The following SLC45A4 variants were observed in gnomAD, a reference collection of about 807,000 sequenced individuals.
SLC45A4 encodes the protein polyamine-transporter SLC45A4.
A neutral mutation model predicts 63.7 loss-of-function variants in SLC45A4; 32 were observed. The ratio of observed to expected loss-of-function variants is 0.50; its 90% CI spans 0.38 to 0.67. The LOEUF is 0.67. Among genes scored for constraint, SLC45A4 ranks in the 30% least tolerant of loss-of-function variants. SLC45A4 has a pLI of 0.00. For missense variants in SLC45A4, 1,027 were observed against 1,157.7 expected (o/e 0.89, Z 1.64); for synonymous variants, 535 against 510.0 (o/e 1.05, Z -0.66).
rs1464914963 is a variant in SLC45A4 at position 141,215,950 on chromosome 8, C to G, written c.1750G>C (p.Asp584His). Residue 584 changes from aspartate (D) to histidine (H), a missense_variant, in exon 7 of 9, where the codon GAC becomes CAC. Coordinates refer to ENST00000517878, the MANE Select transcript of SLC45A4 (RefSeq NM_001286646.2). The surrounding 1 kb of genome is among the most constrained non-coding windows in gnomAD (Gnocchi z 4.3). ...ICSALLQKYLDNYDLSVRVIY... is the reference protein window; with the variant it reads ...ICSALLQKYLHNYDLSVRVIY... The stretch of plus-strand genomic sequence containing the variant: ...ACCCTGACGCTCAGGTCGTAGTTGT[C>G]CAAGTACTTCTGTAACAGGGCTGCA... 4 of 1,613,714 alleles carry G rather than the reference C, an allele frequency of 2.5e-6. No homozygotes were observed. The African/African-American group carries it at 5.3e-5, about 22-fold the overall frequency.
At chr8:141,219,117 G>C in intron 4 of SLC45A4, 88 bp from the exon 5 acceptor site, 3 of 1,467,332 alleles carry the variant, frequency 2.0e-6, no homozygotes, top group Non-Finnish European at 2.8e-6. Flanking sequence ...TCTAACAGGG[G>C]GCCGGGGCTG....
At chr8:141,230,279 C>G in intron 2 of SLC45A4, 1 of 365,492 alleles carries the variant, frequency 2.7e-6, no homozygotes, top group South Asian at 2.0e-5. Context: ...AAGGTGCTGT[C>G]AGAGCACCCC....
intron 1 of SLC45A4, among the ~76,000 whole-genome samples, chr8:141,270,357 T>C (rs373648530): frequency 3.3e-4 from 46 of 140,376 alleles, no homozygotes; most frequent in South Asian, 7.2e-4. Flanking sequence ...CGAGACCCCA[T>C]CTCTACATAA....
chr8:141,246,849 G>A (rs565691872), intron 2 of SLC45A4, among the ~76,000 whole-genome samples: 1 of 152,276 alleles, frequency 6.6e-6, no homozygotes, highest in East Asian at 1.9e-4. Flanking sequence ...TTGTGGTGGT[G>A]CACACCTGCA....
intron 1 of SLC45A4, among the ~76,000 whole-genome samples, chr8:141,288,488 G>C (rs1053791412): frequency 6.6e-6 from 1 of 152,240 alleles, no homozygotes; most frequent in Non-Finnish European, 1.5e-5. Context: ...TGGGGACCAC[G>C]CCTGGTTGGA....
Position 141,212,377 on chromosome 8 carries a change from G to C in SLC45A4, c.2121C>G (p.Phe707Leu). ...MVASVGSFLG[F>L]LTATFLVIYP... ...AGATCACCAGGAATGTGGCCGTCAG[G>C]AAGCCCAGGAAAGAGCCCACAGAGG... Residue 707 changes from phenylalanine to leucine, a missense_variant, in exon 8 of 9, where the codon TTC (phenylalanine) becomes TTG (leucine). Coordinates refer to ENST00000517878, the MANE Select transcript of SLC45A4 (RefSeq NM_001286646.2). 6.2e-7 allele frequency: 1 copy of C among 1,613,692 alleles called. No individual in the cohort carries two copies. The highest frequency in any genetic ancestry group is 8.5e-7 in the Non-Finnish European group (1 of 1,180,024).
intron 2 of SLC45A4, among the ~76,000 whole-genome samples, chr8:141,247,561 G>A (rs1030782222): frequency 1.3e-5 from 2 of 152,212 alleles, no homozygotes; most frequent in Non-Finnish European, 2.9e-5. Context: ...TGAAAGAACT[G>A]CAACAGCCAA....
chr8:141,294,721 CAG>C (rs956159875), intron 1 of SLC45A4, among the ~76,000 whole-genome samples: 17 of 152,360 alleles, frequency 1.1e-4, no homozygotes, highest in African/African-American at 4.1e-4. Flanking sequence ...CATGTGAAGA[CAG>C]AGGGCAGCAC....
At chr8:141,258,079 T>G (rs1261572161) in intron 1 of SLC45A4, among the ~76,000 whole-genome samples, 2 of 150,456 alleles carry the variant, frequency 1.3e-5, no homozygotes, top group African/African-American at 4.9e-5. Context: ...TTTTTTTTTT[T>G]TTTAACAATC....
chr8:141,211,586 T>G lies in SLC45A4; in HGVS notation c.2413A>C (p.Met805Leu). The change falls in exon 9 of 9, where the codon ATG (methionine) becomes CTG (leucine). Residue 805 changes from methionine to leucine, a missense_variant. By Grantham distance (15) the Met-to-Leu change is conservative (BLOSUM62 2). Transcript: ENST00000517878. The part of the protein sequence containing the change: ...YFRKKIFFST[M>L]WFS ...ACGTCATTCTTCTAAGAGAACCACA[T>G]TGTGGAAAAGAAAATTTTTTTTCTA... is the stretch of plus-strand genomic sequence containing the variant. 1 of 1,612,926 alleles carries G rather than the reference T, an allele frequency of 6.2e-7. No individual in the cohort carries two copies. Among genetic ancestry groups the G allele is most frequent in the Non-Finnish European group, 8.5e-7 (1 of 1,179,886 alleles).
intron 7 of SLC45A4, among the ~76,000 whole-genome samples, chr8:141,213,873 A>G (rs1012829066): frequency 2.6e-5 from 4 of 152,236 alleles, no homozygotes; most frequent in African/African-American, 9.6e-5. Context: ...TTGAAAGTGC[A>G]GATGAAATGG....
At chr8:141,216,077 C>G (rs1826133435) in intron 6 of SLC45A4, 107 bp from the exon 7 acceptor site, 1 of 1,007,444 alleles carries the variant, frequency 9.9e-7, no homozygotes. Flanking sequence ...GACCTCCACT[C>G]CTTCCAGCTG....
In SLC45A4 at chr8:141,208,910, A is replaced by G. The variant is rs1027230067; in HGVS notation, c.*2662T>C. ...CCACAAATGAGACCAACATTATCCT[A>G]GTTTGGTAACTGGTCTGCGCACATT... On this transcript the variant is annotated 3_prime_UTR_variant, in exon 9 of 9. Coordinates refer to ENST00000517878, the MANE Select transcript of SLC45A4 (RefSeq NM_001286646.2). The G allele has an allele frequency of 2.6e-5, 4 of 152,314 alleles. No homozygotes were observed. Among genetic ancestry groups the G allele is most frequent in the Non-Finnish European group, 5.9e-5 (4 of 68,104 alleles). The allele number at this position is 152,314 out of a possible 1,614,324, so 9.4% of individuals were successfully genotyped here.
chr8:141,277,258 C>T (rs1320351012), intron 1 of SLC45A4, among the ~76,000 whole-genome samples: 4 of 152,180 alleles, frequency 2.6e-5, no homozygotes, highest in African/African-American at 4.8e-5. Flanking sequence ...AAGACAGGTC[C>T]GGGTCCGGCG....
At position 141,219,639 on chromosome 8, in the gene SLC45A4, G is replaced by A. The variant is rs569230549; in HGVS notation, c.610+11C>T. ...GAACCCGGCCACCCAGCCTTGGTGC[G>A]GCAGCGTTACCGGCAGAGAAGGCGT... On this transcript the variant is annotated intron_variant, in intron 4 of 8. Coordinates refer to ENST00000517878, the MANE Select transcript of SLC45A4 (RefSeq NM_001286646.2). The A allele has an allele frequency of 6.1e-5, 97 of 1,597,582 alleles. 3 individuals carry two copies. The South Asian group carries it at 8.1e-4, about 13-fold the overall frequency.
intron 1 of SLC45A4, among the ~76,000 whole-genome samples, chr8:141,255,963 A>G (rs1376492455): frequency 6.6e-6 from 1 of 152,114 alleles, no homozygotes; most frequent in Non-Finnish European, 1.5e-5. Flanking sequence ...TATAGTACCT[A>G]GGGGTTCGGA....
At chr8:141,263,612 A>T (rs1038217068) in intron 1 of SLC45A4, among the ~76,000 whole-genome samples, 1 of 150,316 alleles carries the variant, frequency 6.7e-6, no homozygotes, top group Admixed American at 6.6e-5. Flanking sequence ...AAAAAAAAAA[A>T]TACAAAAATT....
chr8:141,292,122 C>T (rs1182188221), intron 1 of SLC45A4, among the ~76,000 whole-genome samples: 2 of 152,376 alleles, frequency 1.3e-5, no homozygotes, highest in South Asian at 2.1e-4. Flanking sequence ...CGCCCCTCAC[C>T]GCCCTGGAGC....
intron 1 of SLC45A4, among the ~76,000 whole-genome samples, chr8:141,299,792 G>A (rs1040487440): frequency 1.3e-5 from 2 of 152,170 alleles, no homozygotes; most frequent in African/African-American, 4.8e-5. Flanking sequence ...CAGCCAAAAC[G>A]TTTCTCAAAG....
Sources: allele counts gnomAD v4.1 joint callset (sites outside exome capture counted in the v4.1 genomes callset), GRCh38; gene constraint gnomAD v4.1.1; non-coding constraint Gnocchi (gnomAD v3.1); transcripts MANE v1.5; gene names NCBI Gene and HGNC (gene_info 2026-07-23, HGNC 2026-07-21).